PHACTR2: variants seen among roughly 807,000 people sequenced by gnomAD.
The protein encoded by PHACTR2 is phosphatase and actin regulator 2.
PHACTR2 carries 30 observed loss-of-function variants against 76.0 expected under a neutral mutation model. The observed-to-expected ratio is 0.39, with a 90% confidence interval of 0.30 to 0.54. PHACTR2 has a LOEUF of 0.54. Ranked by LOEUF, PHACTR2 falls within the 20% of genes least tolerant of loss-of-function variation. PHACTR2 has a pLI of 0.61. For synonymous variants in PHACTR2, 292 were observed against 292.5 expected, an observed-to-expected ratio of 1.00 and a Z score of 0.02; for missense variants, 696 against 781.1, an observed-to-expected ratio of 0.89 and a Z score of 1.30.
rs1190894046 is a variant in PHACTR2, at chr6:143,597,695, T to C, written c.217+60488T>C. ...GCATAGAGGTTTTTAAAGTCTTTAT[T>C]CAGCATTGACCTAAACACTTCTTCC... On this transcript the variant is annotated intron_variant, in intron 1 of 11. Coordinates refer to the PHACTR2 transcript ENST00000367584. The surrounding 1 kb of genome is among the most constrained non-coding windows in gnomAD (Gnocchi z 5.7). Among the ~76,000 whole-genome samples the C allele has an allele frequency of 3.3e-5, 5 of 152,336 alleles. No homozygotes were observed. In the East Asian group the frequency reaches 9.6e-4, roughly 29 times the overall value.
intron 5 of PHACTR2, among the ~76,000 whole-genome samples, chr6:143,763,047 C>T (rs1427001419): frequency 6.6e-6 from 1 of 152,130 alleles, no homozygotes; most frequent in Non-Finnish European, 1.5e-5. Flanking sequence ...CTAAAATTAA[C>T]TTTTCTGTTA....
intron 1 of PHACTR2, among the ~76,000 whole-genome samples, chr6:143,686,756 A>T (rs1777536247): frequency 6.6e-6 from 1 of 152,066 alleles, no homozygotes; most frequent in South Asian, 2.1e-4. Context: ...AAGTGCTGGG[A>T]TTACAGGTGT....
chr6:143,600,046 C>G (rs1775796085), intron 1 of PHACTR2, among the ~76,000 whole-genome samples: 1 of 152,238 alleles, frequency 6.6e-6, no homozygotes, highest in African/African-American at 2.4e-5. Flanking sequence ...TAGTCTGACC[C>G]TTTCTTAAAG....
At chr6:143,615,406 T>G (rs1776044014) in intron 1 of PHACTR2, among the ~76,000 whole-genome samples, 2 of 152,194 alleles carry the variant, frequency 1.3e-5, no homozygotes, top group South Asian at 4.1e-4. Flanking sequence ...TTTAATTAAG[T>G]TGGAGCAATT....
At chr6:143,805,679 A>G (rs1315756648) in intron 11 of PHACTR2, among the ~76,000 whole-genome samples, 1 of 152,146 alleles carries the variant, frequency 6.6e-6, no homozygotes, top group Non-Finnish European at 1.5e-5. Context: ...AGGCTCACAC[A>G]TATTTCTCTG....
upstream of PHACTR2, among the ~76,000 whole-genome samples, chr6:143,607,743 C>T (rs1775900865): frequency 6.6e-6 from 1 of 152,138 alleles, no homozygotes; most frequent in African/African-American, 2.4e-5. Flanking sequence ...ATCTGCTACT[C>T]CCTGCCTCCT....
chr6:143,627,123 T>G lies in PHACTR2; in HGVS notation c.13+18801T>G, dbSNP rs967550357. Reference sequence around the variant, plus strand: ...AGAACTGGAAGTGCTTAGGTATCTATGAACCAAACAAGTTAGAAGGTCCAG... The same window carrying G: ...AGAACTGGAAGTGCTTAGGTATCTAGGAACCAAACAAGTTAGAAGGTCCAG... On this transcript the variant is annotated intron_variant, in intron 1 of 11. Coordinates refer to the PHACTR2 transcript ENST00000305766. The surrounding 1 kb of genome is among the most constrained non-coding windows in gnomAD (Gnocchi z 4.3). Among the ~76,000 whole-genome samples, 3 of 152,182 alleles carry G rather than the reference T, an allele frequency of 2.0e-5. No homozygotes were observed. The highest frequency in any genetic ancestry group is 2.9e-5 in the Non-Finnish European group (2 of 68,024).
upstream of PHACTR2, among the ~76,000 whole-genome samples, chr6:143,675,182 A>G (rs1360700395): frequency 6.6e-6 from 1 of 152,204 alleles, no homozygotes; most frequent in Non-Finnish European, 1.5e-5. The surrounding 1 kb of genome is among the most constrained non-coding windows in gnomAD (Gnocchi z 4.9). Flanking sequence ...CACTTTCTTT[A>G]GTTTCTTTCT....
upstream of PHACTR2, among the ~76,000 whole-genome samples, chr6:143,674,597 C>T (rs1418616252): frequency 1.3e-5 from 2 of 152,188 alleles, no homozygotes; most frequent in Non-Finnish European, 2.9e-5. The surrounding 1 kb of genome is among the most constrained non-coding windows in gnomAD (Gnocchi z 4.9). Context: ...ACCATCTCAT[C>T]TCTTGGGACT....
In PHACTR2 at chr6:143,774,684, A is replaced by G. The variant is rs1775234354; in HGVS notation, c.1589+469A>G. Among the ~76,000 whole-genome samples the G allele has an allele frequency of 1.3e-5, 2 of 152,210 alleles. No individual in the cohort carries two copies. Among genetic ancestry groups the G allele is most frequent in the Non-Finnish European group, 2.9e-5 (2 of 68,028 alleles). On this transcript the variant is annotated intron_variant, in intron 8 of 12. Transcript: ENST00000440869. The surrounding 1 kb of genome is among the most constrained non-coding windows in gnomAD (Gnocchi z 5.4). Reference sequence around the variant, plus strand: ...CACTAGCATTCCTGGGAATGCCATGAGGTTCTGCCCTGTGGACTGTGAGAC... The same window carrying G: ...CACTAGCATTCCTGGGAATGCCATGGGGTTCTGCCCTGTGGACTGTGAGAC...
Position 143,708,074 on chromosome 6 carries a change from T to C in PHACTR2, c.47-3942T>C, listed in dbSNP as rs1264999250. ...GCTCCACCTCCAACACTGAGGATTATAATTTGACATGAGATTTGGGTGAGG... is the reference window on the plus strand; with the variant it reads ...GCTCCACCTCCAACACTGAGGATTACAATTTGACATGAGATTTGGGTGAGG... On this transcript the variant is annotated intron_variant, in intron 1 of 12. Coordinates refer to ENST00000440869, the MANE Select transcript of PHACTR2 (RefSeq NM_001100164.2). This position sits in a 1 kb window ranked among gnomAD's most constrained non-coding sequence, Gnocchi z 5.5. Among the ~76,000 whole-genome samples the C allele has an allele frequency of 2.0e-5, 3 of 152,248 alleles. No homozygotes were observed. The highest frequency in any genetic ancestry group is 4.4e-5 in the Non-Finnish European group (3 of 68,050).
intron 1 of PHACTR2, among the ~76,000 whole-genome samples, chr6:143,637,322 A>G (rs1776475013): frequency 1.3e-5 from 2 of 152,108 alleles, no homozygotes; most frequent in Admixed American, 6.6e-5. Flanking sequence ...TGTTTGAAAA[A>G]AAAAAGAAAG....
At position 143,646,043 on chromosome 6, in the gene PHACTR2, A is replaced by G. The variant is rs1776654643; in HGVS notation, c.13+37721A>G. Among the ~76,000 whole-genome samples the G allele has an allele frequency of 6.6e-6, 1 of 152,192 alleles. No individual in the cohort carries two copies. The highest frequency in any genetic ancestry group is 1.5e-5 in the Non-Finnish European group (1 of 68,014). On this transcript the variant is annotated intron_variant, in intron 1 of 11. Coordinates refer to the PHACTR2 transcript ENST00000305766. This position sits in a 1 kb window ranked among gnomAD's most constrained non-coding sequence, Gnocchi z 4.1. ...GATTTAAAAAAACTGGAGAAGAATA[A>G]TTATGCAGAGATAAACGTGTCAGAA...
At chr6:143,636,118 G>A (rs1776447933) in intron 1 of PHACTR2, among the ~76,000 whole-genome samples, 1 of 39,276 alleles carries the variant, frequency 2.5e-5, no homozygotes, top group Non-Finnish European at 4.9e-5. Flanking sequence ...AGGAGGCTGA[G>A]GCAGGAGAAT....
At position 143,772,899 on chromosome 6, in the gene PHACTR2, A is replaced by T. The variant is rs1775188864; in HGVS notation, c.1432+442A>T. 1.3e-5 allele frequency among the ~76,000 whole-genome samples: 2 copies of T among 152,310 alleles called. No homozygotes were observed. The highest frequency in any genetic ancestry group is 4.8e-5 in the African/African-American group (2 of 41,570). ...ACTGGGGTTTATAGAAAGGGGAAGG[A>T]GGAATGAGTCAAGAATGCCAAATAC... On this transcript the variant is annotated intron_variant, in intron 7 of 12. Transcript: ENST00000440869. This position sits in a 1 kb window ranked among gnomAD's most constrained non-coding sequence, Gnocchi z 5.4.
chr6:143,594,303 T>C (rs1372182332), intron 1 of PHACTR2, among the ~76,000 whole-genome samples: 1 of 152,248 alleles, frequency 6.6e-6, no homozygotes, highest in Non-Finnish European at 1.5e-5. Flanking sequence ...ACCTGTACTA[T>C]GAATGAAAAC....
rs1360863007 is a variant in PHACTR2 at position 143,646,887 on chromosome 6, GT to G, written c.13+38568del. Reference sequence around the variant, plus strand: ...AGAACGTTTTCTCATCCTTAGTTATGTTTGTTGTTCTAACATAACAGTCTTC... The same window carrying G: ...AGAACGTTTTCTCATCCTTAGTTATGTTGTTGTTCTAACATAACAGTCTTC... On this transcript the variant is annotated intron_variant, in intron 1 of 11. Transcript: ENST00000305766. This position sits in a 1 kb window ranked among gnomAD's most constrained non-coding sequence, Gnocchi z 4.1. Among the ~76,000 whole-genome samples, 1 of 152,140 alleles carries G rather than the reference GT, an allele frequency of 6.6e-6. No homozygotes were observed. The highest frequency in any genetic ancestry group is 1.5e-5 in the Non-Finnish European group (1 of 68,012).
chr6:143,717,081 A>G (rs1299950737), intron 2 of PHACTR2, among the ~76,000 whole-genome samples: 1 of 152,076 alleles, frequency 6.6e-6, no homozygotes, highest in Non-Finnish European at 1.5e-5. Context: ...GTTTAACCCA[A>G]ACTGACCTTA....
At position 143,678,115 on chromosome 6, in the gene PHACTR2, G is replaced by A; in HGVS notation, c.-49G>A. ...GGCTGGGAGCGGACCCATGATCGAA[G>A]GACCAAAGGAGCCGCTTGATCGCTG... On this transcript the variant is annotated 5_prime_UTR_variant, in exon 1 of 13. Transcript: ENST00000440869. The surrounding 1 kb of genome is among the most constrained non-coding windows in gnomAD (Gnocchi z 6.2). 1 of 1,545,708 alleles carries A rather than the reference G, an allele frequency of 6.5e-7. No individual in the cohort carries two copies. Among genetic ancestry groups the A allele is most frequent in the South Asian group, 1.2e-5 (1 of 83,934 alleles).
Sources: allele counts gnomAD v4.1 joint callset (sites outside exome capture counted in the v4.1 genomes callset), GRCh38; gene constraint gnomAD v4.1.1; non-coding constraint Gnocchi (gnomAD v3.1); transcripts MANE v1.5; gene names NCBI Gene and HGNC (gene_info 2026-07-23, HGNC 2026-07-21).